The following ARL5C variants were observed in gnomAD, a reference collection of about 807,000 sequenced individuals.
The protein encoded by ARL5C is ARF like GTPase 5C.
In ARL5C, 21 loss-of-function variants were observed where a neutral mutation model predicts 20.8. The ratio of observed to expected loss-of-function variants is 1.01; its 90% CI spans 0.72 to 1.46. ARL5C has a LOEUF of 1.46. Among genes scored for constraint, ARL5C ranks in the 40% most tolerant of loss-of-function variants. ARL5C has a pLI of 0.00. For missense variants in ARL5C, 199 were observed against 225.1 expected, an observed-to-expected ratio of 0.88 and a Z score of 0.74; for synonymous variants, 71 against 81.6, an observed-to-expected ratio of 0.87 and a Z score of 0.70.
At position 39,161,320 on chromosome 17, in the gene ARL5C, C is replaced by T. The variant is rs759106338; in HGVS notation, c.287G>A (p.Arg96Gln). 1.0e-5 allele frequency: 16 copies of T among 1,551,750 alleles called. No homozygotes were observed. Among genetic ancestry groups the T allele is most frequent in the African/African-American group, 9.6e-5 (7 of 73,008 alleles). The change falls in exon 4 of 6, where the codon CGG becomes CAG. Residue 96 changes from arginine (R) to glutamine (Q), a missense_variant. Arg to Gln is a conservative substitution (Grantham distance 43). Transcript: ENST00000269586. ...FIILVIDSTD[R>Q]DRLLTTREEL... ...CTCCCGAGTGGTCAGCAGCCGATCC[C>T]GGTCCGTGCTGTCAATCACAAGGAT... is the stretch of plus-strand genomic sequence containing the variant.
chr17:39,157,029 G>T, intron 5 of ARL5C, 87 bp from the exon 6 acceptor site: 2 of 1,458,310 alleles, frequency 1.4e-6, no homozygotes, highest in South Asian at 1.3e-5. Flanking sequence ...GATCGGACTG[G>T]GTGCAGGAAC....
In ARL5C at chr17:39,156,913, G is replaced by A; in HGVS notation, c.521C>T (p.Ser174Phe). The A allele has an allele frequency of 6.4e-7, 1 of 1,551,894 alleles. No individual in the cohort carries two copies. The change falls in exon 6 of 6, where the codon TCT becomes TTT. Residue 174 changes from serine (S) to phenylalanine (F), a missense_variant. By Grantham distance (155) the Ser-to-Phe change is radical (BLOSUM62 -2). Coordinates refer to ENST00000269586, the MANE Select transcript of ARL5C (RefSeq NM_001143968.1). Reference protein sequence around the residue: ...GLPARLQWMESQAAAN With the variant: ...GLPARLQWMEFQAAAN ...GGAACATCAGTTAGCAGCGGCCTGA[G>A]ATTCCATCCACTGAAGTCTGGCAGG... is the stretch of plus-strand genomic sequence containing the variant.
intron 5 of ARL5C, chr17:39,160,197 C>A (rs2045427295): frequency 6.2e-6 from 1 of 160,134 alleles, no homozygotes. Context: ...GTGGCGGGTA[C>A]CTGTAATCCC....
At position 39,160,573 on chromosome 17, in the gene ARL5C, G is replaced by A. The variant is rs1471788482; in HGVS notation, c.491+18C>T. ...GGTTCAGCCAGGCCCTAGAGATCCA[G>A]GTAGGGCAGCCACTAACCCTTCCCT... On this transcript the variant is annotated intron_variant, in intron 5 of 5. Transcript: ENST00000269586. 3.2e-6 allele frequency: 5 copies of A among 1,551,310 alleles called. No homozygotes were observed. The highest frequency in any genetic ancestry group is 2.6e-6 in the Non-Finnish European group (3 of 1,146,686).
At chr17:39,165,238 G>T (rs1326459012) in intron 1 of ARL5C, 99 bp from the exon 2 acceptor site, 3 of 1,221,268 alleles carry the variant, frequency 2.5e-6, no homozygotes, top group Non-Finnish European at 3.5e-6. Flanking sequence ...AGCGCTCCCC[G>T]CAGGCTGGGG....
rs184512152 is a variant in ARL5C, at chr17:39,162,756, A to G, written c.210T>C (p.Pro70=). The G allele has an allele frequency of 3.4e-4, 521 of 1,551,718 alleles. No homozygotes were observed. The highest frequency in any genetic ancestry group is 1.2e-3 in the Middle Eastern group (7 of 5,978). Residue 70 remains proline, a synonymous_variant, in exon 3 of 6, where the codon CCT becomes CCC. Coordinates refer to ENST00000269586, the MANE Select transcript of ARL5C (RefSeq NM_001143968.1). The part of the protein sequence containing the change: ...THFFMWDIVR[P]EALSFIWNTY... ...TGTTCCAGATAAAGCTCAGAGCCTC[A>G]GGTCTCACTATGTCCCACATGAAGA...
chr17:39,161,250 C>A lies in ARL5C; in HGVS notation c.339+18G>T, dbSNP rs1306183736. 6 of 1,550,794 alleles carry A rather than the reference C, an allele frequency of 3.9e-6. No individual in the cohort carries two copies. The highest frequency in any genetic ancestry group is 3.5e-6 in the Non-Finnish European group (4 of 1,146,092). ...CAGCTAGTACCACTGGGCCCTCTCCCAACTGCAGGGGGCTTACCTCATGGG... is the reference window on the plus strand; with the variant it reads ...CAGCTAGTACCACTGGGCCCTCTCCAAACTGCAGGGGGCTTACCTCATGGG... On this transcript the variant is annotated intron_variant, in intron 4 of 5. Transcript: ENST00000269586.
At chr17:39,161,429 T>G (rs1179268448) in intron 3 of ARL5C, 78 bp from the exon 4 acceptor site, 1 of 1,295,368 alleles carries the variant, frequency 7.7e-7, no homozygotes, top group African/African-American at 1.5e-5. Context: ...CTTTCCCCAC[T>G]GGTCTCTGCA....
chr17:39,157,275 G>T (rs2045409902), intron 5 of ARL5C, among the ~76,000 whole-genome samples: 1 of 152,232 alleles, frequency 6.6e-6, no homozygotes, highest in African/African-American at 2.4e-5. Context: ...GTCAGGGAGG[G>T]CTTCTCTGAG....
Position 39,166,147 on chromosome 17 carries a change from C to G in ARL5C, c.-387G>C. The G allele has an allele frequency of 3.8e-6, 1 of 265,478 alleles. No individual in the cohort carries two copies. 16.4% of individuals were successfully genotyped at this position (265,478 alleles called of 1,614,324 possible). ...GCTCTCCCTCCTCTGAGTGCCATGTCTAGGGCACTAGACTGAAGCAAAACC... is the reference window on the plus strand; with the variant it reads ...GCTCTCCCTCCTCTGAGTGCCATGTGTAGGGCACTAGACTGAAGCAAAACC... On this transcript the variant is annotated 5_prime_UTR_variant, in exon 1 of 6. Coordinates refer to ENST00000269586, the MANE Select transcript of ARL5C (RefSeq NM_001143968.1).
chr17:39,165,781 G>A lies in ARL5C; in HGVS notation c.-21C>T, dbSNP rs1207428142. 7.7e-6 allele frequency: 12 copies of A among 1,551,624 alleles called. No individual in the cohort carries two copies. Among genetic ancestry groups the A allele is most frequent in the African/African-American group, 1.4e-5 (1 of 73,078 alleles). On this transcript the variant is annotated 5_prime_UTR_variant, in exon 1 of 6. Coordinates refer to ENST00000269586, the MANE Select transcript of ARL5C (RefSeq NM_001143968.1). ...CCCATGGCACTTCCCGGGCCGGACA[G>A]GTGCAGGAGGGCTCAGCGGCCTCAG...
intron 2 of ARL5C, 125 bp downstream of exon 2, chr17:39,164,954 C>T: frequency 2.1e-6 from 2 of 943,704 alleles, no homozygotes; most frequent in Non-Finnish European, 3.3e-6. Flanking sequence ...GCAGCGTGCC[C>T]AATCGCTCCT....
At position 39,162,671 on chromosome 17, in the gene ARL5C, G is replaced by A. The variant is rs780238126; in HGVS notation, c.255+40C>T. The A allele has an allele frequency of 1.5e-4, 235 of 1,540,810 alleles. 2 individuals are homozygous for A. The highest frequency in any genetic ancestry group is 8.4e-4 in the Middle Eastern group (5 of 5,946). ...GTTACATGACAGTCTGATATCACAC[G>A]CCTGCCTTGGAGACCCTTCAGCCCT... On this transcript the variant is annotated intron_variant, in intron 3 of 5. Transcript: ENST00000269586.
At chr17:39,162,677 C>G (rs2045440704) in intron 3 of ARL5C, 34 bp downstream of exon 3, 2 of 1,545,212 alleles carry the variant, frequency 1.3e-6, no homozygotes, top group East Asian at 2.5e-5. Context: ...ACACGCCTGC[C>G]TTGGAGACCC....
chr17:39,159,035 T>G (rs1216933111), intron 5 of ARL5C, among the ~76,000 whole-genome samples: 2 of 125,750 alleles, frequency 1.6e-5, no homozygotes, highest in South Asian at 2.8e-4. Context: ...TTTTTTTTTT[T>G]TTTTTTTTTT....
chr17:39,165,377 G>T (rs1380856165), intron 1 of ARL5C: 7 of 592,690 alleles, frequency 1.2e-5, no homozygotes, highest in African/African-American at 1.9e-5. Flanking sequence ...AAGGCCCGGG[G>T]CGCTTCGGGG....
intron 4 of ARL5C, 32 bp downstream of exon 4, chr17:39,161,236 A>G (rs1567780717): frequency 6.5e-7 from 1 of 1,536,266 alleles, no homozygotes; most frequent in Admixed American, 2.0e-5. Context: ...AGCTAGTACC[A>G]CTGGGCCCTC....
Position 39,160,740 on chromosome 17 carries a change from A to G in ARL5C, c.342T>C (p.Ala114=), listed in dbSNP as rs747277119. The change falls in exon 5 of 6, where the codon GCT becomes GCC. Residue 114 remains alanine, a splice_region_variant and synonymous_variant. Transcript: ENST00000269586. ...EELYKMLAHE[A]LQDASVLIFA... is the part of the protein sequence containing the mutation. The stretch of plus-strand genomic sequence containing the variant: ...ATATCAGGACTGAAGCATCCTGTAG[A>G]GCCTGTGGACAGAGGAGCCCAGCCC... The G allele has an allele frequency of 6.4e-7, 1 of 1,551,326 alleles. No individual in the cohort carries two copies. The highest frequency in any genetic ancestry group is 1.4e-5 in the African/African-American group (1 of 73,156).
chr17:39,161,215 T>C (rs1039792019), intron 4 of ARL5C, 53 bp downstream of exon 4: 3 of 1,486,198 alleles, frequency 2.0e-6, no homozygotes, highest in African/African-American at 2.8e-5. Flanking sequence ...GTGACCAGCC[T>C]GAGGGCACAC....
Sources: gnomAD v4.1 joint callset for allele counts (sites outside exome capture counted in the v4.1 genomes callset) on GRCh38, gnomAD v4.1.1 for gene constraint, MANE v1.5 for transcripts, NCBI Gene and HGNC (gene_info 2026-07-23, HGNC 2026-07-21) for gene names.